Variants in FOXN3 observed in about 807,000 individuals in gnomAD.
FOXN3 encodes the protein forkhead box protein N3.
In FOXN3, 7 loss-of-function variants were observed where a neutral mutation model predicts 38.4. That is an observed-to-expected ratio of 0.18 (90% confidence interval 0.10 to 0.34). The LOEUF (loss-of-function observed/expected upper bound fraction) is 0.34, where lower values mean the gene tolerates loss of function less well. FOXN3 is among the 10% of genes least tolerant of loss of function. The pLI, the probability that FOXN3 is intolerant of heterozygous loss-of-function variation, is 1.00. For missense variants in FOXN3, 456 were observed against 613.4 expected, an observed-to-expected ratio of 0.74 and a Z score of 2.71; for synonymous variants, 230 against 242.2, an observed-to-expected ratio of 0.95 and a Z score of 0.47.
intron 2 of FOXN3, among the ~76,000 whole-genome samples, chr14:89,384,580 T>G (rs1366925789): frequency 6.6e-6 from 1 of 152,176 alleles, no homozygotes; most frequent in Non-Finnish European, 1.5e-5. Context: ...CTTCCTTTCT[T>G]CAACAAACAT....
intron 4 of FOXN3, among the ~76,000 whole-genome samples, chr14:89,239,711 G>GTGA (rs1178727190): frequency 3.3e-5 from 5 of 152,174 alleles, no homozygotes; most frequent in Non-Finnish European, 7.3e-5. Flanking sequence ...TTTATTTATG[G>GTGA]TGATGATAAT....
At chr14:89,359,995 T>C (rs1419449780) in intron 2 of FOXN3, among the ~76,000 whole-genome samples, 2 of 152,180 alleles carry the variant, frequency 1.3e-5, no homozygotes, top group Admixed American at 6.5e-5. Flanking sequence ...GGCCTAGAGT[T>C]GGTACTCCTC....
At chr14:89,463,450 AT>A (rs1892898400) in intron 1 of FOXN3, among the ~76,000 whole-genome samples, 2 of 152,294 alleles carry the variant, frequency 1.3e-5, no homozygotes, top group South Asian at 4.1e-4. Flanking sequence ...AACCACAGCA[AT>A]AAGTTTAAAA....
At chr14:89,307,266 C>T (rs1422567441) in intron 3 of FOXN3, among the ~76,000 whole-genome samples, 2 of 152,174 alleles carry the variant, frequency 1.3e-5, no homozygotes, top group Non-Finnish European at 2.9e-5. Context: ...ATCCTCTCTC[C>T]ACCTCCACAC....
chr14:89,164,769 A>T lies in FOXN3; in HGVS notation c.852-1800T>A, dbSNP rs998396173. Reference sequence around the variant, plus strand: ...GAAGGGCTGTGGGGTCAGGACCACCAGTGAGATAACAGTAGTGACAATCTC... The same window carrying T: ...GAAGGGCTGTGGGGTCAGGACCACCTGTGAGATAACAGTAGTGACAATCTC... On this transcript the variant is annotated intron_variant, in intron 5 of 5. Coordinates refer to ENST00000557258, the MANE Select transcript of FOXN3 (RefSeq NM_005197.4). This position sits in a 1 kb window ranked among gnomAD's most constrained non-coding sequence, Gnocchi z 4.3. 6.6e-6 allele frequency among the ~76,000 whole-genome samples: 1 copy of T among 152,198 alleles called. No individual in the cohort carries two copies. The highest frequency in any genetic ancestry group is 2.4e-5 in the African/African-American group (1 of 41,446).
intron 3 of FOXN3, among the ~76,000 whole-genome samples, chr14:89,331,299 T>C (rs997454029): frequency 6.6e-5 from 10 of 152,240 alleles, no homozygotes. Flanking sequence ...AGTGGAATCA[T>C]ATGATATTTG....
chr14:89,593,583 A>G (rs982851341), intron 1 of FOXN3, among the ~76,000 whole-genome samples: 2 of 152,366 alleles, frequency 1.3e-5, no homozygotes, highest in Admixed American at 1.3e-4. Flanking sequence ...TCTCATCACA[A>G]TAAGTCTATG....
chr14:89,504,194 C>T (rs1291337136), intron 1 of FOXN3, among the ~76,000 whole-genome samples: 1 of 152,222 alleles, frequency 6.6e-6, no homozygotes, highest in East Asian at 1.9e-4. Context: ...ATTGCTAATC[C>T]ACTCACGTGC....
chr14:89,242,584 C>T (rs1275026691), intron 4 of FOXN3, among the ~76,000 whole-genome samples: 1 of 151,818 alleles, frequency 6.6e-6, no homozygotes, highest in Non-Finnish European at 1.5e-5. Flanking sequence ...AAATATTTGA[C>T]ACTCACAAGA....
intron 3 of FOXN3, among the ~76,000 whole-genome samples, chr14:89,308,143 T>TA (rs1234592786): frequency 2.0e-5 from 3 of 152,130 alleles, no homozygotes; most frequent in Non-Finnish European, 4.4e-5. Context: ...CACCCGCCTA[T>TA]AATCCCAGCT....
chr14:89,398,383 C>T (rs1308263483), intron 2 of FOXN3, among the ~76,000 whole-genome samples: 2 of 152,190 alleles, frequency 1.3e-5, no homozygotes, highest in East Asian at 1.9e-4. Context: ...CTGTCTGGAT[C>T]GGGGGCTAGA....
intron 1 of FOXN3, among the ~76,000 whole-genome samples, chr14:89,523,296 G>A (rs1403867631): frequency 6.6e-6 from 1 of 152,088 alleles, no homozygotes; most frequent in African/African-American, 2.4e-5. Context: ...CTAGGTACCT[G>A]ATAGAACAAA....
At chr14:89,230,949 C>T in intron 4 of FOXN3, 2 of 449,866 alleles carry the variant, frequency 4.4e-6, no homozygotes, top group South Asian at 3.1e-5. Flanking sequence ...TGATAAATCC[C>T]CCATGGCGTC....
chr14:89,492,689 G>C (rs1215519422), intron 1 of FOXN3, among the ~76,000 whole-genome samples: 1 of 152,168 alleles, frequency 6.6e-6, no homozygotes, highest in Non-Finnish European at 1.5e-5. Context: ...TCTGGCCTGG[G>C]CGACAAAGTG....
chr14:89,594,737 G>A lies in FOXN3; in HGVS notation c.-15+24291C>T, dbSNP rs1896023622. 2.6e-5 allele frequency among the ~76,000 whole-genome samples: 4 copies of A among 151,786 alleles called. 1 individual carries two copies. The highest frequency in any genetic ancestry group is 2.0e-4 in the Admixed American group (3 of 15,240). On this transcript the variant is annotated intron_variant, in intron 1 of 6. Transcript: ENST00000345097. ...TTATCTGCCTTCTCCTTTATAATTG[G>A]TTCTTTTGGGTCCTGGCGCACACCT...
chr14:89,247,476 T>C (rs943426213), intron 4 of FOXN3, among the ~76,000 whole-genome samples: 2 of 152,174 alleles, frequency 1.3e-5, no homozygotes, highest in Non-Finnish European at 1.5e-5. Context: ...GATAATTTAT[T>C]ATGCTTCTAC....
intron 1 of FOXN3, among the ~76,000 whole-genome samples, chr14:89,520,049 T>C (rs1393392515): frequency 6.6e-6 from 1 of 151,244 alleles, no homozygotes; most frequent in South Asian, 2.1e-4. Flanking sequence ...GGTCTTGCTC[T>C]GTCACCCAGG....
intron 1 of FOXN3, among the ~76,000 whole-genome samples, chr14:89,466,650 G>A (rs1391822293): frequency 6.6e-6 from 1 of 152,182 alleles, no homozygotes; most frequent in African/African-American, 2.4e-5. Flanking sequence ...CAAGGGAGGT[G>A]TGAACAGACT....
chr14:89,610,611 G>T (rs1896370050), intron 1 of FOXN3, among the ~76,000 whole-genome samples: 1 of 152,174 alleles, frequency 6.6e-6, no homozygotes, highest in Admixed American at 6.5e-5. Context: ...GATCTCATGA[G>T]GGTGGCACTT....
Sources: gnomAD v4.1 joint callset for allele counts (sites outside exome capture counted in the v4.1 genomes callset) on GRCh38, gnomAD v4.1.1 for gene constraint, Gnocchi (gnomAD v3.1) non-coding constraint, MANE v1.5 for transcripts, NCBI Gene and HGNC (gene_info 2026-07-23, HGNC 2026-07-21) for gene names.